NTS: variants seen among roughly 807,000 people sequenced by gnomAD.
The protein encoded by NTS is neurotensin/neuromedin N.
In NTS, 20 loss-of-function variants were observed where a neutral mutation model predicts 19.5. That is an observed-to-expected ratio of 1.02 (90% CI 0.72 to 1.49). NTS has a LOEUF of 1.49. NTS is among the 40% of genes most tolerant of loss of function. NTS has a pLI of 0.00. For missense variants in NTS, 215 were observed against 193.1 expected, an observed-to-expected ratio of 1.11 and a Z score of -0.67; for synonymous variants, 71 against 63.3, an observed-to-expected ratio of 1.12 and a Z score of -0.58.
chr12:85,876,307 A>T (rs1015933074), intron 1 of NTS, among the ~76,000 whole-genome samples: 3 of 151,970 alleles, frequency 2.0e-5, no homozygotes, highest in Non-Finnish European at 4.4e-5. Context: ...CTGGTAAGAA[A>T]TAAGCTACTC....
At position 85,882,376 on chromosome 12, in the gene NTS, G is replaced by C. The variant is rs780725163; in HGVS notation, c.*1G>C. ...CAAAAGAGATTCTTACTATTACTGA[G>C]AGAATAAATCATTTATTTACATGTG... is the stretch of plus-strand genomic sequence containing the variant. On this transcript the variant is annotated 3_prime_UTR_variant, in exon 4 of 4. Coordinates refer to ENST00000256010, the MANE Select transcript of NTS (RefSeq NM_006183.5). 1 of 1,543,568 alleles carries C rather than the reference G, an allele frequency of 6.5e-7. No homozygotes were observed. Among genetic ancestry groups the C allele is most frequent in the South Asian group, 1.2e-5 (1 of 81,014 alleles).
In NTS at chr12:85,878,350, T is replaced by C. The variant is rs1204906137; in HGVS notation, c.141T>C (p.Ser47=). Residue 47 remains serine (S), a synonymous_variant, in exon 3 of 4, where the codon AGT becomes AGC. Transcript: ENST00000256010. Reference sequence around the variant, plus strand: ...GTTTTTTTAATATATTTCAGATTAGTAAAGCACATGTTCCCTCTTGGAAGA... The same window carrying C: ...GTTTTTTTAATATATTTCAGATTAGCAAAGCACATGTTCCCTCTTGGAAGA... ...FLTNMHTSKI[S]KAHVPSWKMT... is the part of the protein sequence containing the mutation. 1 of 1,590,892 alleles carries C rather than the reference T, an allele frequency of 6.3e-7. No individual in the cohort carries two copies. Among genetic ancestry groups the C allele is most frequent in the African/African-American group, 1.4e-5 (1 of 73,910 alleles).
intron 3 of NTS, 63 bp from the exon 4 acceptor site, chr12:85,882,160 A>G (rs1592551717): frequency 3.8e-6 from 5 of 1,302,658 alleles, no homozygotes; most frequent in Non-Finnish European, 5.4e-6. Context: ...GAATGTAGAA[A>G]AATGCTCTGA....
At chr12:85,877,453 T>A (rs1010643136) in intron 2 of NTS, among the ~76,000 whole-genome samples, 6 of 151,256 alleles carry the variant, frequency 4.0e-5, no homozygotes, top group Admixed American at 6.6e-5. Context: ...TCCTGGGCCC[T>A]ATTACTCCTC....
chr12:85,878,910 T>TTGTC (rs1205153455), intron 3 of NTS, among the ~76,000 whole-genome samples: 2 of 151,938 alleles, frequency 1.3e-5, no homozygotes, highest in Non-Finnish European at 2.9e-5. Context: ...ACTCAAAATG[T>TTGTC]TGTCTTAGAA....
chr12:85,874,509 G>A, intron 1 of NTS, 33 bp downstream of exon 1: 2 of 1,481,462 alleles, frequency 1.4e-6, no homozygotes, highest in Non-Finnish European at 1.9e-6. Context: ...ACTCCCTGAA[G>A]TGATTTCTTT....
At chr12:85,879,589 G>T in intron 3 of NTS, among the ~76,000 whole-genome samples, 1 of 107,128 alleles carries the variant, frequency 9.3e-6, no homozygotes, top group Admixed American at 1.1e-4. Context: ...TATATTTTAT[G>T]TATATTTTAT....
Position 85,878,419 on chromosome 12 carries a change from C to T in NTS, c.210C>T (p.Ser70=). The change falls in exon 3 of 4, where the codon AGC becomes AGT. Residue 70 remains serine, a synonymous_variant. Coordinates refer to ENST00000256010, the MANE Select transcript of NTS (RefSeq NM_006183.5). The part of the protein sequence containing the change: ...NVCSLVNNLN[S]PAEETGEVHE... The stretch of plus-strand genomic sequence containing the variant: ...GCAGTCTTGTAAATAATTTGAACAG[C>T]CCAGCTGAGGAAACAGGAGAAGTTC... 2.5e-6 allele frequency: 4 copies of T among 1,613,452 alleles called. No homozygotes were observed. The highest frequency in any genetic ancestry group is 1.7e-6 in the Non-Finnish European group (2 of 1,179,676).
intron 3 of NTS, among the ~76,000 whole-genome samples, chr12:85,879,071 T>A (rs1565770568): frequency 1.7e-5 from 2 of 116,494 alleles, no homozygotes; most frequent in East Asian, 3.0e-4. Context: ...ATGTATATTT[T>A]AATGTACATA....
chr12:85,882,455 T>G lies in NTS; in HGVS notation c.*80T>G. On this transcript the variant is annotated 3_prime_UTR_variant, in exon 4 of 4. Coordinates refer to ENST00000256010, the MANE Select transcript of NTS (RefSeq NM_006183.5). ...ATCAAATTATATTTGTGTGAAAATG[T>G]GACAAACACACTTATCTGTCTCTTC... 1 of 1,119,850 alleles carries G rather than the reference T, an allele frequency of 8.9e-7. No individual in the cohort carries two copies. The highest frequency in any genetic ancestry group is 1.3e-6 in the Non-Finnish European group (1 of 789,758). 69.4% of individuals were successfully genotyped at this position (1,119,850 alleles called of 1,614,324 possible).
chr12:85,874,902 C>T (rs181516949), intron 1 of NTS, among the ~76,000 whole-genome samples: 33 of 152,202 alleles, frequency 2.2e-4, no homozygotes, highest in African/African-American at 7.9e-4. Context: ...CCCTCACGCC[C>T]TTGTAATAGT....
chr12:85,881,490 A>C (rs1881501187), intron 3 of NTS, among the ~76,000 whole-genome samples: 1 of 152,156 alleles, frequency 6.6e-6, no homozygotes, highest in Non-Finnish European at 1.5e-5. Flanking sequence ...CTTAGAAAAA[A>C]AATTATGCTT....
At chr12:85,878,772 T>C (rs1177202629) in intron 3 of NTS, among the ~76,000 whole-genome samples, 1 of 152,128 alleles carries the variant, frequency 6.6e-6, no homozygotes, top group Non-Finnish European at 1.5e-5. Flanking sequence ...TATGTTTTTC[T>C]TCAATATTAA....
intron 1 of NTS, among the ~76,000 whole-genome samples, chr12:85,875,945 T>A (rs1366784777): frequency 1.3e-5 from 2 of 152,012 alleles, no homozygotes; most frequent in East Asian, 3.8e-4. Context: ...CTGTAAAATA[T>A]TCATTAACAG....
chr12:85,880,149 C>G (rs1367480537), intron 3 of NTS, among the ~76,000 whole-genome samples: 1 of 151,164 alleles, frequency 6.6e-6, no homozygotes, highest in African/African-American at 2.4e-5. Flanking sequence ...ATTTGGAAAC[C>G]TTTCGGTTCT....
chr12:85,881,559 T>C (rs1377500133), intron 3 of NTS, among the ~76,000 whole-genome samples: 1 of 152,140 alleles, frequency 6.6e-6, no homozygotes, highest in African/African-American at 2.4e-5. Context: ...TACATGGTGC[T>C]TAACTCCCTT....
intron 2 of NTS, 194 bp from the exon 3 acceptor site, chr12:85,878,151 T>C (rs1881389030): frequency 2.1e-6 from 1 of 469,280 alleles, no homozygotes; most frequent in Non-Finnish European, 3.8e-6. Context: ...AACTATTGCA[T>C]TTTATTAAAC....
chr12:85,874,946 C>T (rs541083278), intron 1 of NTS, among the ~76,000 whole-genome samples: 47 of 152,082 alleles, frequency 3.1e-4, no homozygotes, highest in Admixed American at 1.8e-3. Context: ...GTTAAGATAA[C>T]AAATAAAGTG....
At chr12:85,880,968 A>C (rs1307322597) in intron 3 of NTS, among the ~76,000 whole-genome samples, 2 of 151,584 alleles carry the variant, frequency 1.3e-5, no homozygotes, top group Non-Finnish European at 3.0e-5. Flanking sequence ...ACAAACAAAA[A>C]GTTTAAGGTC....
Sources: allele counts gnomAD v4.1 joint callset (sites outside exome capture counted in the v4.1 genomes callset), GRCh38; gene constraint gnomAD v4.1.1; transcripts MANE v1.5; gene names NCBI Gene and HGNC (gene_info 2026-07-23, HGNC 2026-07-21).